Variants in HHLA2 observed in about 807,000 individuals in gnomAD.
The protein encoded by HHLA2 is HHLA2 member of B7 family, also known as HERV-H LTR-associating protein 2.
HHLA2 carries 48 observed loss-of-function variants against 45.9 expected under a neutral mutation model. The observed-to-expected ratio is 1.05, with a 90% confidence interval of 0.83 to 1.33. The LOEUF (loss-of-function observed/expected upper bound fraction) is 1.33. Among genes scored for constraint, HHLA2 ranks in the 40% most tolerant of loss-of-function variants. The pLI is 0.00. For synonymous variants in HHLA2, 161 were observed against 173.9 expected, an observed-to-expected ratio of 0.93 and a Z score of 0.59; for missense variants, 462 against 494.3, an observed-to-expected ratio of 0.93 and a Z score of 0.62.
intron 3 of HHLA2, among the ~76,000 whole-genome samples, chr3:108,337,405 T>G (rs1398951338): frequency 6.6e-6 from 1 of 152,116 alleles, no homozygotes; most frequent in Non-Finnish European, 1.5e-5. Flanking sequence ...GCAGCAGCTG[T>G]GGGTAACTTT....
intron 3 of HHLA2, among the ~76,000 whole-genome samples, chr3:108,347,555 G>A (rs1576151234): frequency 6.6e-6 from 1 of 151,976 alleles, no homozygotes; most frequent in Non-Finnish European, 1.5e-5. Context: ...GCCACTGGAG[G>A]GATTTAATTA....
intron 5 of HHLA2, among the ~76,000 whole-genome samples, chr3:108,354,325 C>G (rs542405184): frequency 6.6e-6 from 1 of 151,848 alleles, no homozygotes; most frequent in South Asian, 2.1e-4. Context: ...GTTAATATCA[C>G]TCAGACAGAG....
chr3:108,361,464 GA>G (rs1439900134), intron 7 of HHLA2, among the ~76,000 whole-genome samples: 1 of 151,972 alleles, frequency 6.6e-6, no homozygotes, highest in Non-Finnish European at 1.5e-5. Flanking sequence ...TTTTATTTAA[GA>G]ATGGCCTCAA....
intron 3 of HHLA2, among the ~76,000 whole-genome samples, chr3:108,340,947 CCTTTCTTT>C (rs71629349): frequency 9.5e-6 from 1 of 105,514 alleles, no homozygotes; most frequent in Non-Finnish European, 1.9e-5. Flanking sequence ...TTCCTTCCTT[CCTTTCTTT>C]CTTTCTTTTC....
At chr3:108,375,917 C>A in intron 9 of HHLA2, 117 bp downstream of exon 8, 2 of 1,334,888 alleles carry the variant, frequency 1.5e-6, no homozygotes, top group Non-Finnish European at 2.0e-6. Context: ...ATATTCCATA[C>A]TTCTGCAGTG....
intron 3 of HHLA2, among the ~76,000 whole-genome samples, chr3:108,337,353 T>C (rs577322040): frequency 6.6e-6 from 1 of 152,252 alleles, no homozygotes; most frequent in East Asian, 1.9e-4. Context: ...ACACTGATCT[T>C]AATGAGCAGT....
intron 1 of HHLA2, among the ~76,000 whole-genome samples, chr3:108,297,162 TA>T (rs2080774364): frequency 6.6e-6 from 1 of 152,196 alleles, no homozygotes; most frequent in Non-Finnish European, 1.5e-5. Context: ...TTTTAATAAC[TA>T]AAACAAGATT....
intron 8 of HHLA2, among the ~76,000 whole-genome samples, chr3:108,371,421 C>T (rs1454331273): frequency 9.9e-5 from 15 of 152,186 alleles, no homozygotes; most frequent in South Asian, 2.1e-4. Flanking sequence ...CATCAACTAA[C>T]GAGCAAAATA....
chr3:108,372,215 C>A (rs1398308479), intron 8 of HHLA2, among the ~76,000 whole-genome samples: 2 of 152,190 alleles, frequency 1.3e-5, no homozygotes, highest in Non-Finnish European at 2.9e-5. Flanking sequence ...ACAACCTGCT[C>A]CTGAATGACG....
intron 1 of HHLA2, among the ~76,000 whole-genome samples, chr3:108,299,159 C>A (rs1041891611): frequency 2.6e-5 from 4 of 152,030 alleles, no homozygotes; most frequent in Non-Finnish European, 5.9e-5. Flanking sequence ...CTATGACCAA[C>A]TTTGATAATA....
chr3:108,373,445 C>A (rs1165097881), intron 8 of HHLA2, among the ~76,000 whole-genome samples: 2 of 151,930 alleles, frequency 1.3e-5, no homozygotes, highest in Non-Finnish European at 2.9e-5. Context: ...TCTCACCACT[C>A]CTATTCAACA....
At chr3:108,373,287 T>G (rs190587679) in intron 8 of HHLA2, among the ~76,000 whole-genome samples, 2 of 152,332 alleles carry the variant, frequency 1.3e-5, no homozygotes, top group South Asian at 2.1e-4. Context: ...AACGCCTTCA[T>G]GCTAAAAACT....
At chr3:108,335,357 A>T (rs540486463) in intron 3 of HHLA2, among the ~76,000 whole-genome samples, 1 of 152,164 alleles carries the variant, frequency 6.6e-6, no homozygotes, top group Non-Finnish European at 1.5e-5. Flanking sequence ...AGTCCCTTTA[A>T]CAAGCTATTG....
At chr3:108,334,152 C>CAAGT (rs1175109529) in intron 3 of HHLA2, among the ~76,000 whole-genome samples, 1 of 152,056 alleles carries the variant, frequency 6.6e-6, no homozygotes. Context: ...CTGGAGACTC[C>CAAGT]AAGTGGGTGT....
In HHLA2 at chr3:108,328,377, A is replaced by G. The variant is rs1349608773; in HGVS notation, c.-27+30A>G. On this transcript the variant is annotated intron_variant, in intron 3 of 10. Transcript: ENST00000619531. ...GTAGGGAGATATACAATGAGGTTCC[A>G]GTATTATCTGTGCAGCTATTTATTT... 3.5e-6 allele frequency: 5 copies of G among 1,447,630 alleles called. No individual in the cohort carries two copies. In the Admixed American group the frequency reaches 8.8e-5, roughly 25 times the overall value. 89.7% of individuals were successfully genotyped at this position (1,447,630 alleles called of 1,614,324 possible). A position where few individuals can be genotyped will look rare whatever the true frequency, so the allele number is the denominator to read the frequency against.
At chr3:108,360,609 T>C (rs1206291168) in intron 7 of HHLA2, among the ~76,000 whole-genome samples, 1 of 152,170 alleles carries the variant, frequency 6.6e-6, no homozygotes, top group Non-Finnish European at 1.5e-5. Flanking sequence ...AAATGATTCA[T>C]GGGGGTAGTG....
intron 3 of HHLA2, among the ~76,000 whole-genome samples, chr3:108,340,573 C>T (rs1450621718): frequency 6.6e-6 from 1 of 152,188 alleles, no homozygotes; most frequent in Non-Finnish European, 1.5e-5. Context: ...ACATACCCAT[C>T]TGTTCAAATG....
chr3:108,366,597 T>TGTC (rs2082067021), intron 8 of HHLA2, among the ~76,000 whole-genome samples: 1 of 152,202 alleles, frequency 6.6e-6, no homozygotes, highest in Non-Finnish European at 1.5e-5. Flanking sequence ...GCTGTGAATC[T>TGTC]GTCTGGTCCT....
At chr3:108,314,273 C>G (rs1211462480) in intron 2 of HHLA2, among the ~76,000 whole-genome samples, 2 of 151,826 alleles carry the variant, frequency 1.3e-5, no homozygotes, top group East Asian at 3.9e-4. Flanking sequence ...GCACTGCATT[C>G]CATATTCTTG....
Sources: gnomAD v4.1 joint callset for allele counts (sites outside exome capture counted in the v4.1 genomes callset) on GRCh38, gnomAD v4.1.1 for gene constraint, MANE v1.5 for transcripts, NCBI Gene and HGNC (gene_info 2026-07-23, HGNC 2026-07-21) for gene names.